SYNPR: variants seen among roughly 807,000 people sequenced by gnomAD.
SYNPR encodes the protein synaptoporin.
In SYNPR, 23 loss-of-function variants were observed where a neutral mutation model predicts 32.9. That is an observed-to-expected ratio of 0.70 (90% CI 0.50 to 0.99). The LOEUF (loss-of-function observed/expected upper bound fraction) is 0.99. Ranked by LOEUF, SYNPR falls within the 50% of genes least tolerant of loss-of-function variation. SYNPR has a pLI of 0.00. For synonymous variants in SYNPR, 146 were observed against 135.9 expected (o/e 1.07, Z -0.52); for missense variants, 318 against 349.3 (o/e 0.91, Z 0.71).
At chr3:63,551,236 A>G (rs1279367607) in intron 3 of SYNPR, among the ~76,000 whole-genome samples, 1 of 152,226 alleles carries the variant, frequency 6.6e-6, no homozygotes, top group Non-Finnish European at 1.5e-5. Context: ...TCCATATTGT[A>G]GCATGTATCA....
chr3:63,415,404 CAG>C (rs536042986), intron 2 of SYNPR, among the ~76,000 whole-genome samples: 3,374 of 149,882 alleles, frequency 0.023, 44 homozygotes, highest in Non-Finnish European at 0.035. Context: ...AATCCTGTCT[CAG>C]AGAATTAAGA....
intron 2 of SYNPR, among the ~76,000 whole-genome samples, chr3:63,255,709 G>C (rs1323787707): frequency 2.6e-5 from 4 of 152,268 alleles, no homozygotes; most frequent in African/African-American, 9.6e-5. Flanking sequence ...TCCCAACTGA[G>C]GTACCAGGTT....
Position 63,463,411 on chromosome 3 carries a change from C to T in SYNPR, c.85-17421C>T, listed in dbSNP as rs150125588. Among the ~76,000 whole-genome samples the T allele has an allele frequency of 2.6e-5, 4 of 152,104 alleles. No individual in the cohort carries two copies. In the East Asian group the frequency reaches 5.8e-4, roughly 22 times the overall value. On this transcript the variant is annotated intron_variant, in intron 2 of 5. Coordinates refer to ENST00000478300, the MANE Select transcript of SYNPR (RefSeq NM_001130003.2). ...AAAGTGGAAGGTGTGAAATCAGAAACCTAAGTGGACAGTAGATCTGGAAAG... is the reference window on the plus strand; with the variant it reads ...AAAGTGGAAGGTGTGAAATCAGAAATCTAAGTGGACAGTAGATCTGGAAAG...
intron 2 of SYNPR, among the ~76,000 whole-genome samples, chr3:63,465,804 A>G (rs1351772510): frequency 6.6e-6 from 1 of 152,224 alleles, no homozygotes; most frequent in Non-Finnish European, 1.5e-5. Flanking sequence ...ACACATTTCC[A>G]AATGTTTCAC....
intron 4 of SYNPR, among the ~76,000 whole-genome samples, chr3:63,577,836 G>A (rs1019779570): frequency 6.6e-6 from 1 of 152,120 alleles, no homozygotes; most frequent in East Asian, 1.9e-4. Flanking sequence ...TATACAACTG[G>A]AAGGGTTACG....
intron 1 of SYNPR, among the ~76,000 whole-genome samples, chr3:63,242,166 C>T (rs568974016): frequency 5.9e-5 from 9 of 151,982 alleles, no homozygotes; most frequent in Non-Finnish European, 1.2e-4. Flanking sequence ...AACCAAAAGA[C>T]AGAAATACCC....
At chr3:63,248,509 AGAGT>A (rs898000907) in intron 1 of SYNPR, among the ~76,000 whole-genome samples, 1 of 152,200 alleles carries the variant, frequency 6.6e-6, no homozygotes, top group Non-Finnish European at 1.5e-5. Context: ...GAAGGTTGAA[AGAGT>A]GAGAAATCAG....
chr3:63,361,170 G>A (rs1434119960), intron 2 of SYNPR, among the ~76,000 whole-genome samples: 2 of 152,150 alleles, frequency 1.3e-5, no homozygotes, highest in South Asian at 2.1e-4. Context: ...CCTATGCTGG[G>A]TTATATGCCC....
chr3:63,288,072 T>C (rs1449858658), intron 2 of SYNPR, among the ~76,000 whole-genome samples: 1 of 152,164 alleles, frequency 6.6e-6, no homozygotes, highest in Non-Finnish European at 1.5e-5. Flanking sequence ...TCTTATCTAA[T>C]GTCCTAACAG....
chr3:63,251,679 T>C (rs2086332575), intron 1 of SYNPR, among the ~76,000 whole-genome samples: 1 of 152,006 alleles, frequency 6.6e-6, no homozygotes, highest in Non-Finnish European at 1.5e-5. Flanking sequence ...AGGACTGAAA[T>C]GCGATCCCGG....
chr3:63,422,148 G>T (rs1384272292), intron 2 of SYNPR, among the ~76,000 whole-genome samples: 1 of 152,172 alleles, frequency 6.6e-6, no homozygotes, highest in Non-Finnish European at 1.5e-5. Context: ...TGTACACCAA[G>T]GGGTGGGAAA....
intron 2 of SYNPR, among the ~76,000 whole-genome samples, chr3:63,454,614 G>C (rs1176748651): frequency 2.0e-5 from 3 of 152,114 alleles, no homozygotes; most frequent in Admixed American, 6.6e-5. Flanking sequence ...TGGTTAATAG[G>C]GATGTGGGAG....
At position 63,290,718 on chromosome 3, in the gene SYNPR, TAA is replaced by T. The variant is rs150646674; in HGVS notation, c.84+11977_84+11978del. On this transcript the variant is annotated intron_variant, in intron 2 of 5. Coordinates refer to ENST00000478300, the MANE Select transcript of SYNPR (RefSeq NM_001130003.2). The stretch of plus-strand genomic sequence containing the variant: ...GTAAGATTATGAACATCCAAATTCC[TAA>T]GTCAGGCAGCTTCCATCATGGATGA... 8.7e-3 allele frequency among the ~76,000 whole-genome samples: 1,329 copies of T among 152,346 alleles called. 22 individuals are homozygous for T. Among genetic ancestry groups the T allele is most frequent in the African/African-American group, 0.029 (1,205 of 41,582 alleles).
At chr3:63,313,511 C>G (rs1192749988) in intron 2 of SYNPR, among the ~76,000 whole-genome samples, 1 of 150,888 alleles carries the variant, frequency 6.6e-6, no homozygotes, top group African/African-American at 2.4e-5. Context: ...AGTCTCCAAT[C>G]TCATCCAGGT....
At chr3:63,302,006 C>T (rs1360989531) in intron 2 of SYNPR, among the ~76,000 whole-genome samples, 2 of 152,044 alleles carry the variant, frequency 1.3e-5, no homozygotes, top group Non-Finnish European at 2.9e-5. Flanking sequence ...TCATGGTAGG[C>T]ACCCAAATAT....
intron 2 of SYNPR, among the ~76,000 whole-genome samples, chr3:63,431,870 C>G (rs565297437): frequency 6.0e-5 from 9 of 149,202 alleles, no homozygotes; most frequent in Non-Finnish European, 1.3e-4. Flanking sequence ...GTGACTTAGA[C>G]CTTTCCAAAG....
intron 3 of SYNPR, among the ~76,000 whole-genome samples, chr3:63,510,123 AG>A (rs1260327148): frequency 6.6e-6 from 1 of 152,110 alleles, no homozygotes; most frequent in East Asian, 1.9e-4. Flanking sequence ...AAAATAAATA[AG>A]GGGGGAACAA....
chr3:63,447,875 C>T (rs1301475685), intron 2 of SYNPR, among the ~76,000 whole-genome samples: 1 of 152,040 alleles, frequency 6.6e-6, no homozygotes, highest in African/African-American at 2.4e-5. Flanking sequence ...TACCATGGAG[C>T]TTTGAGTTGG....
chr3:63,566,272 G>A (rs1230222646), intron 4 of SYNPR, among the ~76,000 whole-genome samples: 1 of 152,070 alleles, frequency 6.6e-6, no homozygotes, highest in Non-Finnish European at 1.5e-5. Flanking sequence ...GGAAAAATGG[G>A]AGTAAAAATA....
Sources: allele counts gnomAD v4.1 joint callset (sites outside exome capture counted in the v4.1 genomes callset), GRCh38; gene constraint gnomAD v4.1.1; transcripts MANE v1.5; gene names NCBI Gene and HGNC (gene_info 2026-07-23, HGNC 2026-07-21).